SLMAP: variants seen among roughly 807,000 people sequenced by gnomAD.
SLMAP encodes the protein sarcolemmal membrane-associated protein.
A neutral mutation model predicts 128.8 loss-of-function variants in SLMAP; 44 were observed. The ratio of observed to expected loss-of-function variants is 0.34; its 90% CI spans 0.27 to 0.44. The LOEUF is 0.44. Among genes scored for constraint, SLMAP ranks in the 20% least tolerant of loss-of-function variants. The probability of loss-of-function intolerance (pLI) is 1.00; values close to 1 mark genes in which losing one functional copy is unlikely to be tolerated. For synonymous variants in SLMAP, 327 were observed against 348.8 expected, an observed-to-expected ratio of 0.94 and a Z score of 0.70; for missense variants, 787 against 985.3, an observed-to-expected ratio of 0.80 and a Z score of 2.69.
rs562768502 is a variant in SLMAP, at chr3:57,855,711, TA to T, written c.520-2008del. 8.9e-4 allele frequency among the ~76,000 whole-genome samples: 99 copies of T among 110,824 alleles called. 1 individual carries two copies. Among genetic ancestry groups the T allele is most frequent in the African/African-American group, 1.8e-3 (51 of 27,674 alleles). 72.7% of individuals were successfully genotyped at this position (110,824 alleles called of 152,430 possible). A position where few individuals can be genotyped will look rare whatever the true frequency, so the allele number is the denominator to read the frequency against. ...AGCAACATAAGAACGCCCCATCTGT[TA>T]AAAAAAAAAAAAACAAAAAAAAAAA... On this transcript the variant is annotated intron_variant, in intron 6 of 24. Coordinates refer to ENST00000671191, the MANE Select transcript of SLMAP (RefSeq NM_001377540.1).
rs1318027424 is a variant in SLMAP, at chr3:57,913,271, C to T, written c.2134C>T (p.His712Tyr). 6 of 1,400,654 alleles carry T rather than the reference C, an allele frequency of 4.3e-6. No homozygotes were observed. In the Admixed American group the frequency reaches 6.8e-5, roughly 16 times the overall value. The allele number at this position is 1,400,654 out of a possible 1,614,324, so 86.8% of individuals were successfully genotyped here. A position where few individuals can be genotyped will look rare whatever the true frequency, so the allele number is the denominator to read the frequency against. The change falls in exon 21 of 25, where the codon CAC becomes TAC. Residue 712 changes from histidine to tyrosine, a missense_variant. By Grantham distance (83) the His-to-Tyr change is moderately conservative. Coordinates refer to ENST00000671191, the MANE Select transcript of SLMAP (RefSeq NM_001377540.1). ...SELQRQEKELHNSQKQSLELT... is the reference protein window; with the variant it reads ...SELQRQEKELYNSQKQSLELT... ...ACTGCAACGGCAAGAAAAAGAATTG[C>T]ACAAGTATGCAAGAACTCTCTGTTT...
At chr3:57,781,223 A>T (rs1252449821) in intron 2 of SLMAP, among the ~76,000 whole-genome samples, 9 of 152,048 alleles carry the variant, frequency 5.9e-5, no homozygotes, top group Non-Finnish European at 1.3e-4. Flanking sequence ...TCTCAAAAAA[A>T]AGGACTAAAA....
intron 2 of SLMAP, among the ~76,000 whole-genome samples, chr3:57,785,865 A>G (rs2083980361): frequency 6.6e-6 from 1 of 152,198 alleles, no homozygotes; most frequent in African/African-American, 2.4e-5. Flanking sequence ...TTTGTATAAC[A>G]TTTTCACGTT....
At chr3:57,827,695 G>A (rs2153540529) in intron 2 of SLMAP, among the ~76,000 whole-genome samples, 1 of 152,322 alleles carries the variant, frequency 6.6e-6, no homozygotes, top group African/African-American at 2.4e-5. Context: ...TACTACAGCT[G>A]CTAGGACATT....
intron 2 of SLMAP, among the ~76,000 whole-genome samples, chr3:57,823,084 C>T (rs2092647074): frequency 6.6e-6 from 1 of 152,060 alleles, no homozygotes; most frequent in South Asian, 2.1e-4. Flanking sequence ...AATTAAAAAG[C>T]ATACAAGAAA....
chr3:57,869,660 A>ATATATATATATATATATAT (rs1553900183), intron 13 of SLMAP, among the ~76,000 whole-genome samples: 1 of 81,368 alleles, frequency 1.2e-5, no homozygotes, highest in Non-Finnish European at 2.5e-5. Flanking sequence ...ATATATATAT[A>ATATATATATATATATATAT]ATATATATAA....
At chr3:57,838,964 T>A (rs571644544) in intron 3 of SLMAP, among the ~76,000 whole-genome samples, 25 of 152,072 alleles carry the variant, frequency 1.6e-4, no homozygotes, top group Non-Finnish European at 3.2e-4. Context: ...TATTGTTGTT[T>A]GTTTGTTTGT....
At chr3:57,864,523 T>C (rs1439316762) in intron 10 of SLMAP, 25 bp from the exon 11 acceptor site, 1 of 1,525,514 alleles carries the variant, frequency 6.6e-7, no homozygotes, top group Non-Finnish European at 8.8e-7. Flanking sequence ...GTTTGTTAAA[T>C]AACTGAATTT....
chr3:57,781,693 C>G (rs1259840568), intron 2 of SLMAP, among the ~76,000 whole-genome samples: 2 of 148,556 alleles, frequency 1.3e-5, no homozygotes, highest in African/African-American at 5.0e-5. Context: ...AACCATGTAA[C>G]TATACAAGCT....
intron 2 of SLMAP, among the ~76,000 whole-genome samples, chr3:57,786,001 GA>G (rs1400949664): frequency 6.6e-6 from 1 of 152,068 alleles, no homozygotes; most frequent in African/African-American, 2.4e-5. Flanking sequence ...TGACAGAGAT[GA>G]AAAAACAGGT....
intron 17 of SLMAP, among the ~76,000 whole-genome samples, chr3:57,905,803 A>G (rs1207874841): frequency 6.6e-6 from 1 of 152,142 alleles, no homozygotes; most frequent in Non-Finnish European, 1.5e-5. Flanking sequence ...TCCTCAACAC[A>G]GGACATTTTA....
chr3:57,927,175 G>A (rs1201207079), intron 24 of SLMAP, 121 bp from the exon 25 acceptor site: 1 of 471,726 alleles, frequency 2.1e-6, no homozygotes, highest in African/African-American at 2.0e-5. Flanking sequence ...TATTTATGAT[G>A]CAGAAATAAG....
chr3:57,759,606 A>G (rs1394192433), intron 2 of SLMAP, among the ~76,000 whole-genome samples: 1 of 152,154 alleles, frequency 6.6e-6, no homozygotes, highest in African/African-American at 2.4e-5. Flanking sequence ...ATATTCATAG[A>G]ACTCATTTTT....
chr3:57,844,222 G>T (rs138686984), intron 4 of SLMAP, among the ~76,000 whole-genome samples: 2 of 152,008 alleles, frequency 1.3e-5, no homozygotes, highest in East Asian at 3.9e-4. Flanking sequence ...GCAAAACCCC[G>T]TCTCTACTAA....
At chr3:57,762,813 T>G (rs1234371596) in intron 2 of SLMAP, among the ~76,000 whole-genome samples, 1 of 150,848 alleles carries the variant, frequency 6.6e-6, no homozygotes, top group African/African-American at 2.5e-5. Context: ...CCTCCTGGGT[T>G]CAAGTGATTC....
intron 14 of SLMAP, among the ~76,000 whole-genome samples, chr3:57,872,513 G>A (rs942494955): frequency 3.9e-5 from 6 of 152,130 alleles, no homozygotes. Flanking sequence ...CAGCTTCTTG[G>A]GAGGCTGAGG....
intron 2 of SLMAP, among the ~76,000 whole-genome samples, chr3:57,791,093 C>A (rs1026827184): frequency 1.3e-5 from 2 of 152,076 alleles, no homozygotes; most frequent in Non-Finnish European, 2.9e-5. Context: ...CGTTGGCTTA[C>A]GCTTGTAATC....
At chr3:57,784,867 A>C (rs1178716703) in intron 2 of SLMAP, among the ~76,000 whole-genome samples, 1 of 152,076 alleles carries the variant, frequency 6.6e-6, no homozygotes, top group Non-Finnish European at 1.5e-5. Context: ...TTGTTATAGA[A>C]GTGAGTTCTG....
At chr3:57,847,651 G>A (rs2094317859) in intron 5 of SLMAP, among the ~76,000 whole-genome samples, 1 of 152,084 alleles carries the variant, frequency 6.6e-6, no homozygotes, top group Non-Finnish European at 1.5e-5. Context: ...TATTTTCTTT[G>A]AAGGTTACTT....
Sources: gnomAD v4.1 joint callset for allele counts (sites outside exome capture counted in the v4.1 genomes callset) on GRCh38, gnomAD v4.1.1 for gene constraint, MANE v1.5 for transcripts, NCBI Gene and HGNC (gene_info 2026-07-23, HGNC 2026-07-21) for gene names.